RABGAP1L: variants seen among roughly 807,000 people sequenced by gnomAD.
RABGAP1L encodes the protein RAB GTPase activating protein 1 like.
RABGAP1L carries 63 observed loss-of-function variants against 137.7 expected under a neutral mutation model. The observed-to-expected ratio is 0.46, with a 90% confidence interval of 0.37 to 0.56. The LOEUF is 0.56. Among genes scored for constraint, RABGAP1L ranks in the 20% least tolerant of loss-of-function variants. The pLI, the probability that RABGAP1L is intolerant of heterozygous loss-of-function variation, is 0.00. For missense variants in RABGAP1L, 1,095 were observed against 1,244.0 expected (o/e 0.88, Z 1.80); for synonymous variants, 431 against 433.7 (o/e 0.99, Z 0.08).
intron 19 of RABGAP1L, among the ~76,000 whole-genome samples, chr1:174,937,575 C>T (rs59038285): frequency 0.34 from 48,161 of 139,926 alleles, 10,960 homozygotes; most frequent in African/African-American, 0.67. Context: ...CATGAGCCAC[C>T]GCATCCAGCC....
intron 1 of RABGAP1L, among the ~76,000 whole-genome samples, chr1:174,179,649 G>A (rs1024352837): frequency 1.3e-5 from 2 of 151,972 alleles, no homozygotes; most frequent in Non-Finnish European, 2.9e-5. Flanking sequence ...TGTTTCATTT[G>A]TGTTAAGACA....
chr1:174,307,668 G>A (rs1678424920), intron 11 of RABGAP1L, among the ~76,000 whole-genome samples: 1 of 152,046 alleles, frequency 6.6e-6, no homozygotes, highest in South Asian at 2.1e-4. Context: ...TCCATTTTAT[G>A]ACTGAATAAT....
At chr1:174,403,939 T>C (rs1395187845) in intron 13 of RABGAP1L, among the ~76,000 whole-genome samples, 3 of 152,086 alleles carry the variant, frequency 2.0e-5, no homozygotes, top group Non-Finnish European at 4.4e-5. Context: ...TCTCTAAAAA[T>C]CACTCCTAAA....
At chr1:174,650,949 C>A (rs964213855) in intron 14 of RABGAP1L, among the ~76,000 whole-genome samples, 1 of 145,546 alleles carries the variant, frequency 6.9e-6, no homozygotes, top group Admixed American at 6.8e-5. Context: ...TTGGATCTTT[C>A]CTGCTTTCTC....
At chr1:174,674,000 T>C (rs999880251) in intron 14 of RABGAP1L, among the ~76,000 whole-genome samples, 2 of 152,082 alleles carry the variant, frequency 1.3e-5, no homozygotes, top group Non-Finnish European at 2.9e-5. Flanking sequence ...TTTTACTGCA[T>C]ATAAATTATA....
chr1:174,198,818 G>GAGGGCC (rs1436546359), intron 1 of RABGAP1L, among the ~76,000 whole-genome samples: 1 of 152,152 alleles, frequency 6.6e-6, no homozygotes, highest in Non-Finnish European at 1.5e-5. Context: ...GAAAAGAGAT[G>GAGGGCC]AGGGCCAGGG....
At chr1:174,803,649 C>G (rs1688969653) in intron 18 of RABGAP1L, among the ~76,000 whole-genome samples, 1 of 150,776 alleles carries the variant, frequency 6.6e-6, no homozygotes, top group African/African-American at 2.4e-5. Context: ...AAGAATCAAA[C>G]ATAGAATCTG....
In RABGAP1L at chr1:174,551,027, C is replaced by A. The variant is rs1405664355; in HGVS notation, c.1711-86348C>A. On this transcript the variant is annotated intron_variant, in intron 13 of 25. Transcript: ENST00000681986. ...ATATATATATATATATATATACATA[C>A]ACACACACACATATATATATACACA... is the stretch of plus-strand genomic sequence containing the variant. 4.1e-5 allele frequency among the ~76,000 whole-genome samples: 4 copies of A among 98,468 alleles called. No individual in the cohort carries two copies. In the South Asian group the frequency reaches 8.3e-4, roughly 20 times the overall value. The allele number at this position is 98,468 out of a possible 152,430, so 64.6% of individuals were successfully genotyped here.
chr1:174,718,077 G>A (rs1681171368), intron 17 of RABGAP1L, among the ~76,000 whole-genome samples: 1 of 152,138 alleles, frequency 6.6e-6, no homozygotes, highest in Non-Finnish European at 1.5e-5. Flanking sequence ...AAACCTCTGT[G>A]AAGCTTTCTT....
intron 13 of RABGAP1L, among the ~76,000 whole-genome samples, chr1:174,597,443 A>G (rs183942223): frequency 6.6e-6 from 1 of 152,134 alleles, no homozygotes; most frequent in Admixed American, 6.5e-5. Context: ...CAATCTTGGT[A>G]GGTTATATGT....
intron 13 of RABGAP1L, among the ~76,000 whole-genome samples, chr1:174,449,857 T>C (rs920445103): frequency 3.9e-5 from 6 of 152,172 alleles, no homozygotes; most frequent in African/African-American, 1.4e-4. Context: ...TAAAATGACA[T>C]TTGCTTTTCC....
intron 13 of RABGAP1L, among the ~76,000 whole-genome samples, chr1:174,397,024 C>T (rs1647958303): frequency 4.0e-5 from 6 of 151,600 alleles, no homozygotes; most frequent in Admixed American, 3.9e-4. Flanking sequence ...TACCTGTAGT[C>T]CCAGCTGTTT....
intron 13 of RABGAP1L, among the ~76,000 whole-genome samples, chr1:174,516,573 G>C (rs1011819606): frequency 6.6e-6 from 1 of 151,870 alleles, no homozygotes; most frequent in Non-Finnish European, 1.5e-5. Context: ...ACTATTACTT[G>C]AATATAAAGG....
chr1:174,759,122 G>A lies in RABGAP1L; in HGVS notation c.2211+6768G>A, dbSNP rs1038465226. 4.6e-5 allele frequency among the ~76,000 whole-genome samples: 7 copies of A among 152,166 alleles called. No homozygotes were observed. In the South Asian group the frequency reaches 1.5e-3, roughly 32 times the overall value. Reference sequence around the variant, plus strand: ...GGATACCTATGAAGTGCCAGGTACTGTTCTAGACATTGGAGATAAAGTAGT... The same window carrying A: ...GGATACCTATGAAGTGCCAGGTACTATTCTAGACATTGGAGATAAAGTAGT... On this transcript the variant is annotated intron_variant, in intron 18 of 25. Transcript: ENST00000681986.
intron 13 of RABGAP1L, among the ~76,000 whole-genome samples, chr1:174,523,386 A>G (rs1248429323): frequency 1.3e-5 from 2 of 152,226 alleles, no homozygotes; most frequent in African/African-American, 4.8e-5. Context: ...AACAACTTGA[A>G]TAAGACTATG....
chr1:174,631,760 A>G (rs1382040554), intron 13 of RABGAP1L, among the ~76,000 whole-genome samples: 1 of 145,728 alleles, frequency 6.9e-6, no homozygotes, highest in Admixed American at 6.9e-5. Flanking sequence ...ATCTTCCTCC[A>G]TCCTTTTATT....
chr1:174,718,692 C>T (rs952594599), intron 17 of RABGAP1L, among the ~76,000 whole-genome samples: 1 of 152,068 alleles, frequency 6.6e-6, no homozygotes, highest in Admixed American at 6.5e-5. Context: ...AGACCCAAAG[C>T]AGTTTACATG....
intron 19 of RABGAP1L, among the ~76,000 whole-genome samples, chr1:174,850,829 A>G (rs1270119038): frequency 1.3e-5 from 2 of 152,224 alleles, no homozygotes; most frequent in Non-Finnish European, 2.9e-5. Context: ...GGCTAATGGC[A>G]GGAAGGAAAG....
intron 13 of RABGAP1L, among the ~76,000 whole-genome samples, chr1:174,535,528 C>G (rs1664824175): frequency 6.6e-6 from 1 of 152,114 alleles, no homozygotes; most frequent in African/African-American, 2.4e-5. Flanking sequence ...TTTTTGCCTG[C>G]TAGGTGTTCG....
Sources: allele counts gnomAD v4.1 joint callset (sites outside exome capture counted in the v4.1 genomes callset), GRCh38; gene constraint gnomAD v4.1.1; transcripts MANE v1.5; gene names NCBI Gene and HGNC (gene_info 2026-07-23, HGNC 2026-07-21).